SEC24B: variants seen among roughly 807,000 people sequenced by gnomAD.
SEC24B encodes the protein SEC24 homolog B, COPII component, also known as protein transport protein Sec24B.
A neutral mutation model predicts 142.8 loss-of-function variants in SEC24B; 45 were observed. The ratio of observed to expected loss-of-function variants is 0.32; its 90% CI spans 0.25 to 0.40. The LOEUF (loss-of-function observed/expected upper bound fraction) is 0.40, where lower values mean the gene tolerates loss of function less well. SEC24B is among the 10% of genes least tolerant of loss of function. The pLI is 1.00. For synonymous variants in SEC24B, 574 were observed against 568.2 expected (o/e 1.01, Z -0.15); for missense variants, 1,409 against 1,526.8 (o/e 0.92, Z 1.29).
In SEC24B at chr4:109,511,974, A is replaced by G. The variant is rs779040205; in HGVS notation, c.1794A>G (p.Thr598=). Residue 598 remains threonine (T), a synonymous_variant, in exon 9 of 24, where the codon ACA becomes ACG. Transcript: ENST00000265175. ...TTTCCTAGCAATTACCAGTGATAAC[A>G]TCAAATACCATTGTGAGGTGCCGAT... The part of the protein sequence containing the change: ...FRDLTQLPVI[T]SNTIVRCRSC... The G allele has an allele frequency of 1.2e-6, 2 of 1,612,964 alleles. No individual in the cohort carries two copies. Among genetic ancestry groups the G allele is most frequent in the Admixed American group, 3.3e-5 (2 of 59,744 alleles).
intron 11 of SEC24B, among the ~76,000 whole-genome samples, chr4:109,519,027 G>A (rs747574701): frequency 1.3e-5 from 2 of 151,876 alleles, no homozygotes; most frequent in African/African-American, 2.4e-5. Context: ...GGCTGATCTC[G>A]AACTCCTGAG....
In SEC24B at chr4:109,494,764, C is replaced by T. The variant is rs1389827196; in HGVS notation, c.1396C>T (p.Leu466Phe). ...AKPFGYGYPT[L>F]QPGYQNATAP... is the part of the protein sequence containing the mutation. Reference sequence around the variant, plus strand: ...GCCTTTTGGCTATGGCTATCCAACACTTCAGCCTGGTTATCAGAATGCTAC... The same window carrying T: ...GCCTTTTGGCTATGGCTATCCAACATTTCAGCCTGGTTATCAGAATGCTAC... The change falls in exon 6 of 24, where the codon CTT becomes TTT. Residue 466 changes from leucine (L) to phenylalanine (F), a missense_variant. By Grantham distance (22) the Leu-to-Phe change is conservative (BLOSUM62 0). This residue lies in a region of SEC24B where 709 missense variants were observed against 673.5 expected (regional missense o/e 1.05). Coordinates refer to ENST00000265175, the MANE Select transcript of SEC24B (RefSeq NM_006323.5). 9 of 1,614,240 alleles carry T rather than the reference C, an allele frequency of 5.6e-6. No individual in the cohort carries two copies. The highest frequency in any genetic ancestry group is 7.6e-6 in the Non-Finnish European group (9 of 1,180,042).
intron 14 of SEC24B, among the ~76,000 whole-genome samples, chr4:109,522,392 G>A (rs75650165): frequency 0.047 from 7,136 of 152,246 alleles, 189 homozygotes; most frequent in African/African-American, 0.07. Flanking sequence ...TTGTGTCACA[G>A]TATGTTCTTT....
At chr4:109,536,616 G>A (rs1014833107) in intron 22 of SEC24B, among the ~76,000 whole-genome samples, 9 of 152,060 alleles carry the variant, frequency 5.9e-5, no homozygotes, top group African/African-American at 2.2e-4. Context: ...TGCAAGCTCT[G>A]CCTCCCGGGT....
Position 109,484,126 on chromosome 4 carries a change from G to A in SEC24B, c.1165+2345G>A, listed in dbSNP as rs529658881. Among the ~76,000 whole-genome samples, 3 of 152,296 alleles carry A rather than the reference G, an allele frequency of 2.0e-5. No individual in the cohort carries two copies. In the East Asian group the frequency reaches 5.8e-4, roughly 29 times the overall value. On this transcript the variant is annotated intron_variant, in intron 4 of 23. Coordinates refer to ENST00000265175, the MANE Select transcript of SEC24B (RefSeq NM_006323.5). ...CTATAAAGCTGTTTTCATGGTCCAGGATCCAATTTGGATCATGCGTTGAAT... is the reference window on the plus strand; with the variant it reads ...CTATAAAGCTGTTTTCATGGTCCAGAATCCAATTTGGATCATGCGTTGAAT...
At chr4:109,538,907 C>G (rs974944072) in intron 23 of SEC24B, among the ~76,000 whole-genome samples, 3 of 152,082 alleles carry the variant, frequency 2.0e-5, no homozygotes, top group Admixed American at 2.0e-4. Flanking sequence ...AACTCAGACT[C>G]CCGAGTAGCT....
chr4:109,443,662 C>G lies in SEC24B; in HGVS notation c.133+9660C>G, dbSNP rs1006162707. ...TCTCTGCACTCCAGGAGTTCTGTAC[C>G]CCTCAGTAAAAGAGGAGAGGACTGT... On this transcript the variant is annotated intron_variant, in intron 1 of 23. Coordinates refer to ENST00000265175, the MANE Select transcript of SEC24B (RefSeq NM_006323.5). Among the ~76,000 whole-genome samples the G allele has an allele frequency of 2.6e-5, 4 of 152,116 alleles. No homozygotes were observed. In the South Asian group the frequency reaches 6.2e-4, roughly 24 times the overall value.
At chr4:109,522,575 A>T (rs1442519782) in intron 14 of SEC24B, among the ~76,000 whole-genome samples, 2 of 152,244 alleles carry the variant, frequency 1.3e-5, no homozygotes, top group Non-Finnish European at 2.9e-5. Context: ...AAAACTTACT[A>T]AATGTAACTA....
intron 1 of SEC24B, among the ~76,000 whole-genome samples, chr4:109,435,143 A>G (rs923572749): frequency 6.6e-6 from 1 of 152,224 alleles, no homozygotes. Context: ...ATCAACATCT[A>G]AGTTTTACAA....
At chr4:109,442,721 G>A (rs1729053854) in intron 1 of SEC24B, among the ~76,000 whole-genome samples, 1 of 152,296 alleles carries the variant, frequency 6.6e-6, no homozygotes, top group Admixed American at 6.5e-5. Flanking sequence ...AATCTCAGGA[G>A]TAGTCAAATT....
At chr4:109,486,269 G>T (rs927526784) in intron 4 of SEC24B, among the ~76,000 whole-genome samples, 2 of 152,184 alleles carry the variant, frequency 1.3e-5, no homozygotes, top group African/African-American at 4.8e-5. Context: ...TGGACATGGA[G>T]TTTGAGTTAT....
At position 109,527,411 on chromosome 4, in the gene SEC24B, A is replaced by G. The variant is rs745841340; in HGVS notation, c.3055A>G (p.Ile1019Val). The change falls in exon 18 of 24, where the codon ATC (isoleucine) becomes GTC (valine). Residue 1019 changes from isoleucine (I) to valine (V), a missense_variant. This residue lies in a region of SEC24B where 700 missense variants were observed against 853.3 expected (regional missense o/e 0.82). Coordinates refer to ENST00000265175, the MANE Select transcript of SEC24B (RefSeq NM_006323.5). ...TGCGGGAGTGGATGTACAAGCTGCCATCTGCCTTCTGGCAAACATGGGTGA... is the reference window on the plus strand; with the variant it reads ...TGCGGGAGTGGATGTACAAGCTGCCGTCTGCCTTCTGGCAAACATGGGTGA... ...VYAGVDVQAA[I>V]CLLANMAVDR... The G allele has an allele frequency of 3.1e-6, 5 of 1,612,418 alleles. No homozygotes were observed. The highest frequency in any genetic ancestry group is 1.3e-5 in the African/African-American group (1 of 74,978).
chr4:109,447,572 G>GT (rs1187122277), intron 1 of SEC24B, among the ~76,000 whole-genome samples: 1 of 152,080 alleles, frequency 6.6e-6, no homozygotes, highest in African/African-American at 2.4e-5. Flanking sequence ...CACCATATCA[G>GT]TAAGCATCTT....
intron 1 of SEC24B, among the ~76,000 whole-genome samples, chr4:109,442,777 C>T (rs1729062759): frequency 6.6e-6 from 1 of 152,036 alleles, no homozygotes; most frequent in Non-Finnish European, 1.5e-5. Flanking sequence ...TCTTTTTAAA[C>T]AATAATTGTA....
At chr4:109,439,333 T>G (rs1467833080) in intron 1 of SEC24B, among the ~76,000 whole-genome samples, 2 of 151,962 alleles carry the variant, frequency 1.3e-5, no homozygotes, top group African/African-American at 4.8e-5. Flanking sequence ...CTCAAATAAG[T>G]TCCTTTTGAT....
chr4:109,507,654 T>G (rs979404140), intron 7 of SEC24B, among the ~76,000 whole-genome samples: 18 of 152,002 alleles, frequency 1.2e-4, no homozygotes, highest in Non-Finnish European at 2.4e-4. Context: ...CTTTCTTTTT[T>G]TTATTTTTGA....
intron 1 of SEC24B, among the ~76,000 whole-genome samples, chr4:109,437,702 G>C (rs185358442): frequency 5.7e-4 from 87 of 152,296 alleles, no homozygotes; most frequent in Admixed American, 1.0e-3. Flanking sequence ...TCAGCTCACT[G>C]CAACCTCCAC....
intron 2 of SEC24B, among the ~76,000 whole-genome samples, chr4:109,470,746 A>G (rs771044008): frequency 2.6e-5 from 4 of 152,238 alleles, no homozygotes; most frequent in African/African-American, 4.8e-5. Context: ...ATATTCTTCC[A>G]TTGGATTTCT....
At chr4:109,476,026 A>C (rs1578842286) in intron 3 of SEC24B, among the ~76,000 whole-genome samples, 1 of 144,784 alleles carries the variant, frequency 6.9e-6, no homozygotes, top group Non-Finnish European at 1.5e-5. Flanking sequence ...TCACTCTGTC[A>C]CCCAGGCTGG....
Sources: allele counts gnomAD v4.1 joint callset (sites outside exome capture counted in the v4.1 genomes callset), GRCh38; gene constraint gnomAD v4.1.1; regional missense constraint gnomAD v4.1.1; transcripts MANE v1.5; gene names NCBI Gene and HGNC (gene_info 2026-07-23, HGNC 2026-07-21).